PEAK1: variants seen among roughly 807,000 people sequenced by gnomAD.
PEAK1 encodes pseudopodium enriched atypical kinase 1.
PEAK1 carries 54 observed loss-of-function variants against 124.7 expected under a neutral mutation model. That is an observed-to-expected ratio of 0.43 (90% confidence interval 0.35 to 0.54). The LOEUF is 0.54. Among genes scored for constraint, PEAK1 ranks in the 20% least tolerant of loss-of-function variants. PEAK1 has a pLI of 0.01. For synonymous variants in PEAK1, 719 were observed against 760.0 expected, an observed-to-expected ratio of 0.95 and a Z score of 0.89; for missense variants, 2,046 against 2,134.5, an observed-to-expected ratio of 0.96 and a Z score of 0.82.
intron 2 of PEAK1, among the ~76,000 whole-genome samples, chr15:77,303,162 T>C (rs940257273): frequency 2.0e-5 from 3 of 152,230 alleles, no homozygotes; most frequent in Non-Finnish European, 4.4e-5. Context: ...ATTTACCTAC[T>C]GAAGGACATC....
chr15:77,383,760 TCTTG>T (rs1446915572), intron 1 of PEAK1, among the ~76,000 whole-genome samples: 2 of 152,212 alleles, frequency 1.3e-5, no homozygotes, highest in African/African-American at 4.8e-5. Flanking sequence ...CTCATGTGGG[TCTTG>T]CTTTGCTTTT....
At chr15:77,248,344 C>T (rs140421772) in intron 6 of PEAK1, among the ~76,000 whole-genome samples, 1 of 152,158 alleles carries the variant, frequency 6.6e-6, no homozygotes, top group African/African-American at 2.4e-5. Context: ...ATATTAATAA[C>T]AAGAGCTATG....
At position 77,388,844 on chromosome 15, in the gene PEAK1, G is replaced by T. The variant is rs180701138; in HGVS notation, c.-665-23619C>A. Among the ~76,000 whole-genome samples the T allele has an allele frequency of 3.0e-3, 440 of 148,824 alleles. 2 individuals carry two copies. The highest frequency in any genetic ancestry group is 0.01 in the African/African-American group (418 of 40,708). On this transcript the variant is annotated intron_variant, in intron 1 of 9. Coordinates refer to ENST00000682557, the MANE Select transcript of PEAK1 (RefSeq NM_001385026.1). ...ATACTCCATCAAACAGGCCTTATATGAATTGTTTACCAGAGATACTTGAAT... is the reference window on the plus strand; with the variant it reads ...ATACTCCATCAAACAGGCCTTATATTAATTGTTTACCAGAGATACTTGAAT...
In PEAK1 at chr15:77,180,874, T is replaced by C. The variant is rs2057220942; in HGVS notation, c.1053A>G (p.Glu351=). 2 of 1,613,964 alleles carry C rather than the reference T, an allele frequency of 1.2e-6. No homozygotes were observed. Among genetic ancestry groups the C allele is most frequent in the African/African-American group, 1.3e-5 (1 of 74,942 alleles). Residue 351 remains glutamate (E), a synonymous_variant, in exon 7 of 10, where the codon GAA becomes GAG. Transcript: ENST00000682557. The part of the protein sequence containing the change: ...STSPDSSLTE[E]SRSETASSLS... ...AACTACTGGCTGTCTCAGAACGTGA[T>C]TCTTCTGTTAAAGAAGAATCTGGTG...
chr15:77,380,450 G>A (rs944628106), intron 1 of PEAK1, among the ~76,000 whole-genome samples: 16 of 151,970 alleles, frequency 1.1e-4, no homozygotes, highest in African/African-American at 3.6e-4. Flanking sequence ...TTATGTACGT[G>A]GTCCACTGTC....
chr15:77,346,397 A>G, intron 2 of PEAK1: 1 of 983,920 alleles, frequency 1.0e-6, no homozygotes, highest in Non-Finnish European at 1.2e-6. Context: ...TGTTTATGAG[A>G]AGGCAATTTC....
intron 2 of PEAK1, among the ~76,000 whole-genome samples, chr15:77,297,443 T>C (rs1335042147): frequency 6.6e-6 from 1 of 151,778 alleles, no homozygotes; most frequent in Admixed American, 6.6e-5. Context: ...TAACAGCTTG[T>C]CCTCCTTGGA....
chr15:77,420,500 T>C (rs911527471), upstream of PEAK1: 1 of 181,446 alleles, frequency 5.5e-6, no homozygotes, highest in Non-Finnish European at 1.1e-5. Flanking sequence ...CAGGGGAGTC[T>C]GGGCCCATTT....
At chr15:77,278,581 C>G in intron 5 of PEAK1, 1 of 501,686 alleles carries the variant, frequency 2.0e-6, no homozygotes, top group Non-Finnish European at 4.0e-6. Context: ...AGCCAGAGAC[C>G]AAGCCTAAAA....
At chr15:77,138,752 C>T (rs1287615682) in intron 8 of PEAK1, among the ~76,000 whole-genome samples, 1 of 151,778 alleles carries the variant, frequency 6.6e-6, no homozygotes, top group Non-Finnish European at 1.5e-5. Context: ...GTCCCAGCTA[C>T]TCAGGAGGCT....
At chr15:77,364,017 G>A (rs558838730) in intron 2 of PEAK1, among the ~76,000 whole-genome samples, 1 of 152,058 alleles carries the variant, frequency 6.6e-6, no homozygotes, top group South Asian at 2.1e-4. Flanking sequence ...TGGACAACAT[G>A]GTGAAACCCT....
intron 6 of PEAK1, among the ~76,000 whole-genome samples, chr15:77,215,842 A>G (rs1427765496): frequency 6.6e-6 from 1 of 152,124 alleles, no homozygotes; most frequent in African/African-American, 2.4e-5. Context: ...ACATTTCCCT[A>G]TGGTTTCATG....
intron 6 of PEAK1, among the ~76,000 whole-genome samples, chr15:77,199,276 G>T (rs1157563746): frequency 6.6e-6 from 1 of 152,134 alleles, no homozygotes; most frequent in African/African-American, 2.4e-5. Context: ...AGTTCATTTG[G>T]TATTAGGCAA....
At position 77,388,778 on chromosome 15, in the gene PEAK1, T is replaced by C. The variant is rs117101744; in HGVS notation, c.-665-23553A>G. ...CTTCTACAGTTTCAAGTTTGAATTC[T>C]GGGTCTCCAAGTTAAAACTTCACAC... On this transcript the variant is annotated intron_variant, in intron 1 of 9. Transcript: ENST00000682557. Among the ~76,000 whole-genome samples, 681 of 149,512 alleles carry C rather than the reference T, an allele frequency of 4.6e-3. 3 individuals are homozygous for C. The highest frequency in any genetic ancestry group is 0.014 in the Middle Eastern group (4 of 290).
chr15:77,174,158 C>A (rs1256731968), intron 7 of PEAK1, among the ~76,000 whole-genome samples: 1 of 152,136 alleles, frequency 6.6e-6, no homozygotes, highest in Admixed American at 6.6e-5. Flanking sequence ...TTAAGACACT[C>A]AATTTATATT....
intron 6 of PEAK1, among the ~76,000 whole-genome samples, chr15:77,225,789 T>C (rs2152887268): frequency 6.9e-6 from 1 of 145,740 alleles, no homozygotes; most frequent in African/African-American, 2.5e-5. Context: ...ATAGTTAATA[T>C]ACTCTCTGTT....
intron 2 of PEAK1, chr15:77,352,431 C>G (rs1446365519): frequency 1.0e-6 from 1 of 985,098 alleles, no homozygotes; most frequent in Admixed American, 6.2e-5. Flanking sequence ...GATACACGCA[C>G]CACTAGGCCT....
intron 6 of PEAK1, among the ~76,000 whole-genome samples, chr15:77,250,192 C>CATAT (rs1197348228): frequency 1.1e-4 from 11 of 104,122 alleles, no homozygotes; most frequent in Admixed American, 7.8e-4. Context: ...TATATATATA[C>CATAT]ATATATATAC....
chr15:77,178,685 C>G, intron 7 of PEAK1, 105 bp downstream of exon 7: 1 of 1,141,438 alleles, frequency 8.8e-7, no homozygotes, highest in Non-Finnish European at 1.2e-6. Flanking sequence ...CAGAGTGCTA[C>G]TTACAAACAG....
Sources: gnomAD v4.1 joint callset for allele counts (sites outside exome capture counted in the v4.1 genomes callset) on GRCh38, gnomAD v4.1.1 for gene constraint, MANE v1.5 for transcripts, NCBI Gene and HGNC (gene_info 2026-07-23, HGNC 2026-07-21) for gene names.